The following CNTNAP4 variants were observed in gnomAD, a reference collection of about 807,000 sequenced individuals.
CNTNAP4 encodes the protein contactin associated protein family member 4, also known as contactin-associated protein-like 4.
CNTNAP4 carries 98 observed loss-of-function variants against 148.4 expected under a neutral mutation model. The observed-to-expected ratio is 0.66, with a 90% CI of 0.56 to 0.78. The LOEUF is 0.78. CNTNAP4 is among the 30% of genes least tolerant of loss of function. The probability of loss-of-function intolerance (pLI) is 0.00; values close to 1 mark genes in which losing one functional copy is unlikely to be tolerated. For missense variants in CNTNAP4, 1,935 were observed against 1,565.6 expected, an observed-to-expected ratio of 1.24 and a Z score of -3.98; for synonymous variants, 730 against 565.1, an observed-to-expected ratio of 1.29 and a Z score of -4.14.
rs1286259856 is a variant in CNTNAP4 at position 76,322,420 on chromosome 16, T to A, written c.196+5897T>A. 2.6e-5 allele frequency among the ~76,000 whole-genome samples: 4 copies of A among 152,326 alleles called. No individual in the cohort carries two copies. The East Asian group carries it at 7.7e-4, about 29-fold the overall frequency. On this transcript the variant is annotated intron_variant, in intron 2 of 23. Coordinates refer to ENST00000611870, the MANE Select transcript of CNTNAP4 (RefSeq NM_033401.5). ...AGCTCTTCCACTCTCCTTCTTCTCT[T>A]TCGTATTCTTTCCTGCAGATCATAA...
intron 3 of CNTNAP4, among the ~76,000 whole-genome samples, chr16:76,362,658 A>G (rs1355690790): frequency 6.6e-6 from 1 of 152,254 alleles, no homozygotes; most frequent in Non-Finnish European, 1.5e-5. Flanking sequence ...AAAGGAACAG[A>G]AAACCAAATA....
At chr16:76,501,245 G>C (rs2082629597) in intron 15 of CNTNAP4, among the ~76,000 whole-genome samples, 1 of 152,158 alleles carries the variant, frequency 6.6e-6, no homozygotes, top group African/African-American at 2.4e-5. Context: ...TGTAAACTTC[G>C]GATGCATCCA....
At chr16:76,396,092 A>G (rs2078193882) in intron 3 of CNTNAP4, among the ~76,000 whole-genome samples, 1 of 152,170 alleles carries the variant, frequency 6.6e-6, no homozygotes, top group African/African-American at 2.4e-5. Context: ...TAAATAAGGA[A>G]AGACCTCAAC....
At chr16:76,398,136 G>A (rs141353602) in intron 3 of CNTNAP4, among the ~76,000 whole-genome samples, 65 of 150,790 alleles carry the variant, frequency 4.3e-4, no homozygotes, top group African/African-American at 1.5e-3. Context: ...ATCCAGCGTG[G>A]CAGAAAGAGA....
chr16:76,428,172 C>A (rs1460864863), intron 4 of CNTNAP4, among the ~76,000 whole-genome samples: 1 of 152,158 alleles, frequency 6.6e-6, no homozygotes, highest in Admixed American at 6.6e-5. Context: ...TTCACTTAGT[C>A]TCCTCTTAAT....
At chr16:76,489,634 T>C in intron 12 of CNTNAP4, 52 bp from the exon 13 acceptor site, 1 of 995,888 alleles carries the variant, frequency 1.0e-6, no homozygotes, top group Non-Finnish European at 1.4e-6. Flanking sequence ...ATTTTAACTT[T>C]TGCAGACTAG....
At position 76,443,242 on chromosome 16, in the gene CNTNAP4, T is replaced by G. The variant is rs556019649; in HGVS notation, c.539-4770T>G. Among the ~76,000 whole-genome samples the G allele has an allele frequency of 7.0e-3, 1,062 of 152,250 alleles. 8 individuals carry two copies. Among genetic ancestry groups the G allele is most frequent in the African/African-American group, 0.024 (1,004 of 41,562 alleles). ...TTCTTCCTTTCAGTTAAGCAAAAAG[T>G]CTCCTCTTACATCTTTAGACTGTAG... is the stretch of plus-strand genomic sequence containing the variant. On this transcript the variant is annotated intron_variant, in intron 4 of 23. Transcript: ENST00000611870.
rs570486292 is a variant in CNTNAP4 at position 76,340,456 on chromosome 16, A to C, written c.197-14862A>C. 2.6e-5 allele frequency among the ~76,000 whole-genome samples: 4 copies of C among 151,970 alleles called. No homozygotes were observed. In the East Asian group the frequency reaches 7.7e-4, roughly 29 times the overall value. On this transcript the variant is annotated intron_variant, in intron 2 of 23. Coordinates refer to ENST00000611870, the MANE Select transcript of CNTNAP4 (RefSeq NM_033401.5). ...ATTTCCCTTGTACTAATGACTCTTGACTCTGAGCACCACCACCCAGAATGT... is the reference window on the plus strand; with the variant it reads ...ATTTCCCTTGTACTAATGACTCTTGCCTCTGAGCACCACCACCCAGAATGT...
intron 3 of CNTNAP4, among the ~76,000 whole-genome samples, chr16:76,381,178 C>G (rs942764606): frequency 1.6e-4 from 25 of 152,164 alleles, no homozygotes; most frequent in African/African-American, 6.0e-4. Context: ...AATCTAGTAA[C>G]TTTAAAGATG....
chr16:76,504,698 C>A (rs2143945136), intron 15 of CNTNAP4, among the ~76,000 whole-genome samples: 1 of 152,186 alleles, frequency 6.6e-6, no homozygotes, highest in East Asian at 1.9e-4. Context: ...GGGTGAAAAT[C>A]TTTGCAAAAT....
intron 3 of CNTNAP4, among the ~76,000 whole-genome samples, chr16:76,384,740 C>G (rs1162003208): frequency 6.6e-6 from 1 of 152,106 alleles, no homozygotes; most frequent in Non-Finnish European, 1.5e-5. Flanking sequence ...TATAGCCAGG[C>G]TTTAAGAATT....
chr16:76,362,339 A>G (rs537149083), intron 3 of CNTNAP4, among the ~76,000 whole-genome samples: 3 of 152,208 alleles, frequency 2.0e-5, no homozygotes, highest in African/African-American at 7.2e-5. Flanking sequence ...AAAGCAATCT[A>G]TAGATTCAAT....
chr16:76,459,733 A>G (rs1159511708), intron 8 of CNTNAP4, among the ~76,000 whole-genome samples: 1 of 152,184 alleles, frequency 6.6e-6, no homozygotes, highest in Non-Finnish European at 1.5e-5. Context: ...TTGTTTCTTA[A>G]TTTGATCTGC....
At chr16:76,283,134 T>A (rs932919505) in intron 1 of CNTNAP4, among the ~76,000 whole-genome samples, 5 of 151,992 alleles carry the variant, frequency 3.3e-5, no homozygotes, top group African/African-American at 1.2e-4. Context: ...GATAATGACA[T>A]TGGCATTACA....
Position 76,355,460 on chromosome 16 carries a change from C to T in CNTNAP4, c.339C>T (p.Phe113=). 6.2e-7 allele frequency: 1 copy of T among 1,612,850 alleles called. No individual in the cohort carries two copies. The highest frequency in any genetic ancestry group is 8.5e-7 in the Non-Finnish European group (1 of 1,179,424). The change falls in exon 3 of 24, where the codon TTC becomes TTT. Residue 113 remains phenylalanine (F), a synonymous_variant. Coordinates refer to ENST00000611870, the MANE Select transcript of CNTNAP4 (RefSeq NM_033401.5). ...GGGTGACCAGCTACCTCCTGATGTT[C>T]AGTGATAGTGGCTGGAACTGGAAAC... ...SNWVTSYLLM[F]SDSGWNWKQY...
At chr16:76,330,310 C>G (rs1963391463) in intron 2 of CNTNAP4, among the ~76,000 whole-genome samples, 1 of 152,080 alleles carries the variant, frequency 6.6e-6, no homozygotes. Context: ...CTCTTAAACT[C>G]CTTTTATATT....
intron 3 of CNTNAP4, among the ~76,000 whole-genome samples, chr16:76,414,718 G>T (rs555635775): frequency 4.0e-5 from 6 of 151,300 alleles, no homozygotes; most frequent in Non-Finnish European, 8.9e-5. Flanking sequence ...GGCAGTTCAG[G>T]TTTTCCTGTT....
chr16:76,485,839 G>A, intron 12 of CNTNAP4, among the ~76,000 whole-genome samples: 1 of 152,248 alleles, frequency 6.6e-6, no homozygotes, highest in Middle Eastern at 3.4e-3. Context: ...TTATTCAAAT[G>A]CAGTCTTATT....
chr16:76,491,998 G>A (rs779066682), intron 13 of CNTNAP4, among the ~76,000 whole-genome samples: 12 of 152,168 alleles, frequency 7.9e-5, no homozygotes, highest in Non-Finnish European at 1.2e-4. Flanking sequence ...ATTATGCTGA[G>A]TGAAATAAGT....
Sources: gnomAD v4.1 joint callset for allele counts (sites outside exome capture counted in the v4.1 genomes callset) on GRCh38, gnomAD v4.1.1 for gene constraint, MANE v1.5 for transcripts, NCBI Gene and HGNC (gene_info 2026-07-23, HGNC 2026-07-21) for gene names.